Variants in GPHN observed in about 807,000 individuals in gnomAD.
GPHN encodes gephyrin.
In GPHN, 17 loss-of-function variants were observed where a neutral mutation model predicts 95.5. That is an observed-to-expected ratio of 0.18 (90% CI 0.12 to 0.27). GPHN has a LOEUF of 0.27. Ranked by LOEUF, GPHN falls within the 10% of genes least tolerant of loss-of-function variation. GPHN has a pLI of 1.00. For missense variants in GPHN, 660 were observed against 978.1 expected (o/e 0.67, Z 4.34); for synonymous variants, 320 against 322.5 (o/e 0.99, Z 0.08).
chr14:67,293,777 T>C, the GPHN span, among the ~76,000 whole-genome samples: 2 of 152,144 alleles, frequency 1.3e-5, no homozygotes, highest in African/African-American at 4.8e-5. Context: ...TCAAATCCGG[T>C]TGGGAAGAAT....
chr14:66,771,419 G>A (rs759952280), intron 2 of GPHN, among the ~76,000 whole-genome samples: 1 of 152,126 alleles, frequency 6.6e-6, no homozygotes, highest in Non-Finnish European at 1.5e-5. Flanking sequence ...GAATTAACAA[G>A]ACATTCTTGA....
intron 16 of GPHN, among the ~76,000 whole-genome samples, chr14:67,118,837 A>G (rs566878952): frequency 6.6e-6 from 1 of 152,196 alleles, no homozygotes; most frequent in Non-Finnish European, 1.5e-5. Flanking sequence ...AGCGTTTCTT[A>G]TATTTTTCTT....
At chr14:66,631,699 A>G (rs2063817780) in intron 1 of GPHN, among the ~76,000 whole-genome samples, 1 of 152,150 alleles carries the variant, frequency 6.6e-6, no homozygotes, top group South Asian at 2.1e-4. Context: ...TATTGTATTA[A>G]GGCTCATACT....
intron 10 of GPHN, among the ~76,000 whole-genome samples, chr14:67,036,542 G>C (rs1303989): frequency 0.27 from 30,979 of 115,128 alleles, 7,605 homozygotes; most frequent in African/African-American, 0.62. Context: ...CACACACACA[G>C]AGAAACACTA....
At chr14:67,462,640 G>A in the GPHN span, among the ~76,000 whole-genome samples, 10,017 of 152,254 alleles carry the variant, frequency 0.066, 381 homozygotes, top group South Asian at 0.12. Context: ...CACCACGCCC[G>A]GCCAACAAAG....
intron 16 of GPHN, among the ~76,000 whole-genome samples, chr14:67,121,769 A>G (rs2079021023): frequency 6.6e-6 from 1 of 152,282 alleles, no homozygotes; most frequent in East Asian, 1.9e-4. Flanking sequence ...CCTTCACATA[A>G]GCTTAGCTTC....
chr14:67,327,883 T>A, the GPHN span, among the ~76,000 whole-genome samples: 1 of 152,198 alleles, frequency 6.6e-6, no homozygotes, highest in East Asian at 1.9e-4. Flanking sequence ...TAATCCAGTC[T>A]ATCATTGATT....
chr14:67,061,721 A>T (rs2075830892), intron 11 of GPHN, among the ~76,000 whole-genome samples: 1 of 152,012 alleles, frequency 6.6e-6, no homozygotes. Context: ...TATGTTTCCC[A>T]GGCTGGCCCT....
the GPHN span, chr14:67,335,376 G>T: frequency 6.6e-6 from 1 of 152,212 alleles, no homozygotes; most frequent in Non-Finnish European, 1.5e-5. Context: ...TCTGACTGGA[G>T]ACCCCAGTGT....
At chr14:66,535,690 T>TA (rs1249108755) in intron 1 of GPHN, among the ~76,000 whole-genome samples, 1 of 152,164 alleles carries the variant, frequency 6.6e-6, no homozygotes, top group Non-Finnish European at 1.5e-5. Flanking sequence ...TTGTTAGCGT[T>TA]ATGGCTAGCT....
In GPHN at chr14:66,585,191, A is replaced by G. The variant is rs1202599055; in HGVS notation, c.64+76600A>G. Among the ~76,000 whole-genome samples the G allele has an allele frequency of 6.6e-5, 10 of 152,128 alleles. No individual in the cohort carries two copies. The South Asian group carries it at 1.7e-3, about 25-fold the overall frequency. On this transcript the variant is annotated intron_variant, in intron 1 of 22. Coordinates refer to ENST00000478722, the MANE Select transcript of GPHN (RefSeq NM_020806.5). ...TTATTTGTGTAGAGGTGTTTATAGTATTCTCTGATGGTAGTTTGTATTTCT... is the reference window on the plus strand; with the variant it reads ...TTATTTGTGTAGAGGTGTTTATAGTGTTCTCTGATGGTAGTTTGTATTTCT...
At chr14:66,822,563 A>G (rs1019207173) in intron 3 of GPHN, among the ~76,000 whole-genome samples, 1 of 152,216 alleles carries the variant, frequency 6.6e-6, no homozygotes, top group Non-Finnish European at 1.5e-5. Context: ...CACTTAATAC[A>G]TGGTAGGTAC....
intron 2 of GPHN, among the ~76,000 whole-genome samples, chr14:66,761,542 T>C (rs2058754775): frequency 6.6e-6 from 1 of 152,152 alleles, no homozygotes; most frequent in Admixed American, 6.6e-5. Context: ...CTGCACTGCT[T>C]TGACCTGGTT....
At chr14:67,444,195 G>C in the GPHN span, among the ~76,000 whole-genome samples, 23 of 152,112 alleles carry the variant, frequency 1.5e-4, no homozygotes, top group Non-Finnish European at 2.2e-4. Flanking sequence ...AAACCAAGCT[G>C]TGCCCCGACC....
At chr14:67,114,338 A>T (rs181511321) in intron 16 of GPHN, among the ~76,000 whole-genome samples, 2 of 152,280 alleles carry the variant, frequency 1.3e-5, no homozygotes, top group Non-Finnish European at 2.9e-5. Context: ...CTTTTTTATG[A>T]TATACTTACA....
chr14:67,619,888 G>C, the GPHN span: 2 of 873,392 alleles, frequency 2.3e-6, no homozygotes, highest in Non-Finnish European at 1.7e-6. Context: ...GCTGGCGCGG[G>C]TAGGTAAGAG....
chr14:67,659,624 AGAGTCTAGTATACACT>A, the GPHN span: 1 of 1,130,190 alleles, frequency 8.8e-7, no homozygotes, highest in East Asian at 2.7e-5. Context: ...AAATGAAACA[AGAGTCTAGTATACACT>A]GATAACATGA....
chr14:67,687,201 A>C, the GPHN span, among the ~76,000 whole-genome samples: 1 of 152,162 alleles, frequency 6.6e-6, no homozygotes, highest in Non-Finnish European at 1.5e-5. Context: ...TCTGCTGATG[A>C]AATCAACTGC....
chr14:67,238,725 C>T, the GPHN span, among the ~76,000 whole-genome samples: 1 of 152,052 alleles, frequency 6.6e-6, no homozygotes, highest in Non-Finnish European at 1.5e-5. Context: ...CTTACTGCAG[C>T]ATCGACCTCC....
Sources: gnomAD v4.1 joint callset for allele counts (sites outside exome capture counted in the v4.1 genomes callset) on GRCh38, gnomAD v4.1.1 for gene constraint, MANE v1.5 for transcripts, NCBI Gene and HGNC (gene_info 2026-07-23, HGNC 2026-07-21) for gene names.